DNAJC6: variants seen among roughly 807,000 people sequenced by gnomAD.
DNAJC6 encodes auxilin.
In DNAJC6, 34 loss-of-function variants were observed where a neutral mutation model predicts 110.0. The ratio of observed to expected loss-of-function variants is 0.31; its 90% CI spans 0.24 to 0.41. The LOEUF (loss-of-function observed/expected upper bound fraction) is 0.41, where lower values mean the gene tolerates loss of function less well. Ranked by LOEUF, DNAJC6 falls within the 10% of genes least tolerant of loss-of-function variation. The pLI, the probability that DNAJC6 is intolerant of heterozygous loss-of-function variation, is 1.00. For synonymous variants in DNAJC6, 406 were observed against 437.2 expected (o/e 0.93, Z 0.89); for missense variants, 1,031 against 1,207.8 (o/e 0.85, Z 2.17).
At chr1:65,347,370 G>A (rs995840357) in intron 1 of DNAJC6, among the ~76,000 whole-genome samples, 10 of 151,250 alleles carry the variant, frequency 6.6e-5, no homozygotes, top group African/African-American at 7.3e-5. Flanking sequence ...GTCTTTATAC[G>A]GCACAAGGCC....
intron 6 of DNAJC6, 109 bp downstream of exon 6, chr1:65,384,435 T>C: frequency 9.1e-7 from 1 of 1,103,576 alleles, no homozygotes; most frequent in African/African-American, 1.6e-5. Context: ...ACTTTATCTC[T>C]GTATTAGTCC....
At position 65,303,928 on chromosome 1, in the gene DNAJC6, G is replaced by C. The variant is rs145186213; in HGVS notation, c.-131+38996G>C. 1.9e-4 allele frequency among the ~76,000 whole-genome samples: 29 copies of C among 152,236 alleles called. No homozygotes were observed. The East Asian group carries it at 5.4e-3, about 28-fold the overall frequency. ...TAAGGAATGACCTAAATGTCCTTCA[G>C]CTTTCACTTTGATCAGTGGAATTGC... On this transcript the variant is annotated intron_variant, in intron 1 of 19. Transcript: ENST00000263441.
In DNAJC6 at chr1:65,329,264, A is replaced by G. The variant is rs115895436; in HGVS notation, c.193+19326A>G. ...TGGTTCCACCAGGATGACTAACTTC[A>G]TCTTCTGAGCTTGTCACATTTTTCT... On this transcript the variant is annotated intron_variant, in intron 1 of 18. Transcript: ENST00000371069. 3.2e-3 allele frequency among the ~76,000 whole-genome samples: 494 copies of G among 152,236 alleles called. 4 individuals are homozygous for G. The highest frequency in any genetic ancestry group is 0.011 in the African/African-American group (459 of 41,552).
At chr1:65,364,037 T>A (rs1170801596) in intron 1 of DNAJC6, among the ~76,000 whole-genome samples, 1 of 151,900 alleles carries the variant, frequency 6.6e-6, no homozygotes, top group Non-Finnish European at 1.5e-5. Flanking sequence ...GGCCGAGGAG[T>A]GCCCTGGACT....
chr1:65,317,120 T>C (rs1645155798), intron 1 of DNAJC6, among the ~76,000 whole-genome samples: 1 of 152,218 alleles, frequency 6.6e-6, no homozygotes, highest in Admixed American at 6.5e-5. Context: ...ATATAAGCTT[T>C]GTGCTAACTT....
chr1:65,320,454 C>T (rs4916042), intron 1 of DNAJC6, among the ~76,000 whole-genome samples: 1 of 152,110 alleles, frequency 6.6e-6, no homozygotes, highest in Non-Finnish European at 1.5e-5. Flanking sequence ...AACTCCAAAT[C>T]TAAGCTCTGA....
rs1653731235 is a variant in DNAJC6, at chr1:65,278,080, G to A, written c.-131+13148G>A. On this transcript the variant is annotated intron_variant, in intron 1 of 19. Transcript: ENST00000263441. ...TCTCTTAGAAAAAGGTGGGTACTTG[G>A]TTACAGTCTAAACCCTTTACCGTGG... 2.0e-5 allele frequency among the ~76,000 whole-genome samples: 3 copies of A among 152,318 alleles called. No homozygotes were observed. In the South Asian group the frequency reaches 6.2e-4, roughly 32 times the overall value.
chr1:65,306,506 A>G (rs1325878763), upstream of DNAJC6: 2 of 152,388 alleles, frequency 1.3e-5, no homozygotes, highest in African/African-American at 4.8e-5. Context: ...TGAGGTGTGT[A>G]TGAAGGGGAT....
intron 1 of DNAJC6, among the ~76,000 whole-genome samples, chr1:65,304,009 C>A (rs929410409): frequency 1.1e-4 from 16 of 152,138 alleles, no homozygotes; most frequent in African/African-American, 3.6e-4. Flanking sequence ...GGTTTGAATC[C>A]TAACTGATTG....
chr1:65,279,756 C>T (rs1430272362), intron 1 of DNAJC6: 1 of 152,202 alleles, frequency 6.6e-6, no homozygotes, highest in African/African-American at 2.4e-5. Context: ...GTAGCTTCCT[C>T]TGACTCTAGG....
intron 1 of DNAJC6, among the ~76,000 whole-genome samples, chr1:65,355,872 A>T (rs1052931305): frequency 6.7e-5 from 10 of 148,184 alleles, no homozygotes; most frequent in Admixed American, 5.4e-4. Context: ...CCTGAAATGG[A>T]ACAGCATGGC....
At chr1:65,277,248 A>T (rs1333311573) in intron 1 of DNAJC6, among the ~76,000 whole-genome samples, 1 of 152,166 alleles carries the variant, frequency 6.6e-6, no homozygotes, top group Non-Finnish European at 1.5e-5. Flanking sequence ...ATATATGTTG[A>T]TTTTTAGTTA....
intron 1 of DNAJC6, chr1:65,265,036 T>C: frequency 9.6e-7 from 1 of 1,040,594 alleles, no homozygotes; most frequent in Non-Finnish European, 1.4e-6. Context: ...TATTAATGGC[T>C]AGTTTAAAAT....
chr1:65,388,381 A>C lies in DNAJC6; in HGVS notation c.1159A>C (p.Ile387Leu). Residue 387 changes from isoleucine to leucine, a missense_variant, in exon 9 of 19, where the codon ATA becomes CTA. Transcript: ENST00000371069. ...IFQLQFHTGF[I>L]PLDTTVLKFT... ...CCAGCTTCAGTTTCACACTGGATTC[A>C]TACCACTGGACACAACAGTTTTAAA... 1 of 1,614,120 alleles carries C rather than the reference A, an allele frequency of 6.2e-7. No homozygotes were observed. The highest frequency in any genetic ancestry group is 1.3e-5 in the African/African-American group (1 of 75,036).
intron 4 of DNAJC6, among the ~76,000 whole-genome samples, chr1:65,367,985 G>A (rs1645666027): frequency 6.7e-6 from 1 of 150,170 alleles, no homozygotes; most frequent in Admixed American, 6.6e-5. Context: ...TTAGCATTAG[G>A]TATATCTCCT....
intron 1 of DNAJC6, among the ~76,000 whole-genome samples, chr1:65,325,030 AT>A (rs1331441229): frequency 6.6e-6 from 1 of 152,230 alleles, no homozygotes; most frequent in Non-Finnish European, 1.5e-5. Flanking sequence ...GGCCCTATAA[AT>A]TGAACTATAC....
intron 16 of DNAJC6, among the ~76,000 whole-genome samples, chr1:65,407,674 A>T (rs1646090055): frequency 6.6e-6 from 1 of 152,262 alleles, no homozygotes; most frequent in South Asian, 2.1e-4. Flanking sequence ...GAGTAGATAG[A>T]TGTGGGGCGA....
At chr1:65,313,249 G>A (rs1570264695) in intron 1 of DNAJC6, among the ~76,000 whole-genome samples, 1 of 149,510 alleles carries the variant, frequency 6.7e-6, no homozygotes, top group South Asian at 2.1e-4. Context: ...TGTAGAGATG[G>A]GGTTTTTTGC....
chr1:65,310,086 T>C (rs1645084609), intron 1 of DNAJC6, 148 bp downstream of exon 1: 2 of 907,482 alleles, frequency 2.2e-6, no homozygotes, highest in African/African-American at 1.8e-5. Context: ...ACCACCTGGG[T>C]GTCGAGTCTC....
Sources: gnomAD v4.1 joint callset for allele counts (sites outside exome capture counted in the v4.1 genomes callset) on GRCh38, gnomAD v4.1.1 for gene constraint, MANE v1.5 for transcripts, NCBI Gene and HGNC (gene_info 2026-07-23, HGNC 2026-07-21) for gene names.